Variants in TSPAN5 observed in about 807,000 individuals in gnomAD.
The protein encoded by TSPAN5 is tetraspanin-5.
A neutral mutation model predicts 37.1 loss-of-function variants in TSPAN5; 10 were observed. The observed-to-expected ratio is 0.27, with a 90% CI of 0.17 to 0.46. The LOEUF (loss-of-function observed/expected upper bound fraction) is 0.46. TSPAN5 is among the 20% of genes least tolerant of loss of function. The pLI is 1.00. For missense variants in TSPAN5, 195 were observed against 326.6 expected, an observed-to-expected ratio of 0.60 and a Z score of 3.11; for synonymous variants, 110 against 118.9, an observed-to-expected ratio of 0.93 and a Z score of 0.48.
At position 98,645,182 on chromosome 4, in the gene TSPAN5, GAACACTTGCTACACTT is replaced by G. The variant is rs1757037577; in HGVS notation, c.81+12948_81+12963del. Among the ~76,000 whole-genome samples, 3 of 152,010 alleles carry G rather than the reference GAACACTTGCTACACTT, an allele frequency of 2.0e-5. No homozygotes were observed. The South Asian group carries it at 6.2e-4, about 32-fold the overall frequency. Reference sequence around the variant, plus strand: ...AGTCTCCATTTGATGCCAGAATGTCGAACACTTGCTACACTTGTTAACCTCCATTATAACAAAAGAA... The same window carrying G: ...AGTCTCCATTTGATGCCAGAATGTCGGTTAACCTCCATTATAACAAAAGAA... On this transcript the variant is annotated intron_variant, in intron 1 of 7. Transcript: ENST00000305798.
intron 1 of TSPAN5, 118 bp downstream of exon 1, chr4:98,658,028 T>A (rs941302746): frequency 1.1e-5 from 10 of 885,360 alleles, no homozygotes; most frequent in Non-Finnish European, 1.9e-5. Flanking sequence ...AATGCCTCTA[T>A]GCTGCTCCGG....
Position 98,475,574 on chromosome 4 carries a change from GC to G in TSPAN5, c.741+614del, listed in dbSNP as rs572407636. 2.6e-5 allele frequency among the ~76,000 whole-genome samples: 4 copies of G among 152,258 alleles called. No homozygotes were observed. The East Asian group carries it at 7.7e-4, about 29-fold the overall frequency. On this transcript the variant is annotated intron_variant, in intron 7 of 7. Transcript: ENST00000305798. ...AGTTGCCACAATGCAGTATTTTTGA[GC>G]CCATGTAAACGATGGAATGCCAGTA...
At chr4:98,484,433 T>C (rs567991003) in intron 3 of TSPAN5, 2 of 456,038 alleles carry the variant, frequency 4.4e-6, no homozygotes, top group South Asian at 1.6e-5. Flanking sequence ...CAAGTTTTTA[T>C]TGTTTGTCCT....
intron 1 of TSPAN5, among the ~76,000 whole-genome samples, chr4:98,585,388 C>T (rs777601640): frequency 9.2e-5 from 14 of 152,060 alleles, no homozygotes; most frequent in Non-Finnish European, 1.8e-4. Context: ...TGGCTTACTG[C>T]GACCTCTGCC....
chr4:98,550,028 G>A (rs540124599), intron 1 of TSPAN5, among the ~76,000 whole-genome samples: 5 of 152,154 alleles, frequency 3.3e-5, no homozygotes, highest in South Asian at 2.1e-4. Context: ...CAGGTCTTAC[G>A]TTTAGGTCTT....
chr4:98,592,735 A>G (rs1755678554), intron 1 of TSPAN5, among the ~76,000 whole-genome samples: 1 of 150,220 alleles, frequency 6.7e-6, no homozygotes. Context: ...ATGGTTTCCA[A>G]TTTCATCCAT....
intron 1 of TSPAN5, among the ~76,000 whole-genome samples, chr4:98,550,511 G>A (rs189300068): frequency 7.2e-5 from 11 of 152,068 alleles, no homozygotes; most frequent in Admixed American, 6.5e-4. Flanking sequence ...TCTAACCCAT[G>A]AGCATGGGAT....
At chr4:98,479,548 C>A (rs1752788841) in intron 4 of TSPAN5, among the ~76,000 whole-genome samples, 1 of 152,130 alleles carries the variant, frequency 6.6e-6, no homozygotes, top group Non-Finnish European at 1.5e-5. Flanking sequence ...TAGAATGCGA[C>A]CTTTGTGGAG....
intron 1 of TSPAN5, among the ~76,000 whole-genome samples, chr4:98,654,004 G>A (rs1757247784): frequency 6.6e-6 from 1 of 152,182 alleles, no homozygotes; most frequent in Admixed American, 6.5e-5. Context: ...TAACTGGCTG[G>A]AAGCTTCTTT....
rs1392695933 is a variant in TSPAN5 at position 98,479,984 on chromosome 4, TA to T, written c.451-1175del. Among the ~76,000 whole-genome samples the T allele has an allele frequency of 5.3e-5, 8 of 152,202 alleles. No individual in the cohort carries two copies. In the East Asian group the frequency reaches 1.5e-3, roughly 29 times the overall value. ...CTCACTAACCTACCCCCACCCTCACTAAACTTAATAATAAATTCTGGTATAT... is the reference window on the plus strand; with the variant it reads ...CTCACTAACCTACCCCCACCCTCACTAACTTAATAATAAATTCTGGTATAT... On this transcript the variant is annotated intron_variant, in intron 4 of 7. Coordinates refer to ENST00000305798, the MANE Select transcript of TSPAN5 (RefSeq NM_005723.4).
At chr4:98,570,670 G>A (rs1755098283) in intron 1 of TSPAN5, among the ~76,000 whole-genome samples, 1 of 152,182 alleles carries the variant, frequency 6.6e-6, no homozygotes, top group Non-Finnish European at 1.5e-5. Context: ...AGGTTAGGCA[G>A]AGGGAGGAAC....
intron 1 of TSPAN5, among the ~76,000 whole-genome samples, chr4:98,513,880 AG>A (rs1753671119): frequency 6.6e-6 from 1 of 151,956 alleles, no homozygotes; most frequent in African/African-American, 2.4e-5. Context: ...ATAGATAGAT[AG>A]ATAGATAGAT....
intron 1 of TSPAN5, among the ~76,000 whole-genome samples, chr4:98,573,856 T>C (rs1046839820): frequency 2.0e-5 from 3 of 152,296 alleles, no homozygotes; most frequent in African/African-American, 7.2e-5. Context: ...CACTGAAGCA[T>C]TTAGGTAACT....
At chr4:98,586,340 C>A (rs911648009) in intron 1 of TSPAN5, among the ~76,000 whole-genome samples, 7 of 152,100 alleles carry the variant, frequency 4.6e-5, no homozygotes, top group Non-Finnish European at 5.9e-5. Flanking sequence ...CATTTTGGGA[C>A]AATCTAACCT....
intron 1 of TSPAN5, among the ~76,000 whole-genome samples, chr4:98,649,567 A>G (rs959873598): frequency 6.6e-6 from 1 of 152,208 alleles, no homozygotes; most frequent in Non-Finnish European, 1.5e-5. Flanking sequence ...AATAACTAGT[A>G]TTTGTATTTA....
chr4:98,489,960 G>A (rs1753050652), intron 2 of TSPAN5, among the ~76,000 whole-genome samples: 1 of 152,174 alleles, frequency 6.6e-6, no homozygotes, highest in Admixed American at 6.5e-5. Context: ...AGGCTGCCCT[G>A]AGAAATACGG....
intron 1 of TSPAN5, among the ~76,000 whole-genome samples, chr4:98,556,623 T>C (rs1754757881): frequency 6.6e-6 from 1 of 152,234 alleles, no homozygotes; most frequent in African/African-American, 2.4e-5. Context: ...ATTCTTTTAC[T>C]ACTTATTCAT....
intron 1 of TSPAN5, among the ~76,000 whole-genome samples, chr4:98,627,592 C>T (rs934239311): frequency 6.6e-6 from 1 of 152,170 alleles, no homozygotes; most frequent in Non-Finnish European, 1.5e-5. Flanking sequence ...ATCATCTTGG[C>T]TTAGAGTCAG....
chr4:98,551,423 T>C (rs1754611507), intron 1 of TSPAN5, among the ~76,000 whole-genome samples: 2 of 151,760 alleles, frequency 1.3e-5, no homozygotes, highest in African/African-American at 4.8e-5. Flanking sequence ...CTCTCGTTTT[T>C]TTTTTTTGGA....
Sources: allele counts gnomAD v4.1 joint callset (sites outside exome capture counted in the v4.1 genomes callset), GRCh38; gene constraint gnomAD v4.1.1; transcripts MANE v1.5; gene names NCBI Gene and HGNC (gene_info 2026-07-23, HGNC 2026-07-21).